The following ATOSA variants were observed in gnomAD, a reference collection of about 807,000 sequenced individuals.
The protein encoded by ATOSA is atos homolog protein A.
chr15:52,584,803 T>C, the ATOSA span: 1 of 1,613,684 alleles, frequency 6.2e-7, no homozygotes, highest in Non-Finnish European at 8.5e-7. Flanking sequence ...TTCTCTTTAT[T>C]AACACTTCTC....
the ATOSA span, among the ~76,000 whole-genome samples, chr15:52,696,351 C>T: frequency 6.6e-6 from 1 of 152,148 alleles, no homozygotes; most frequent in Non-Finnish European, 1.5e-5. Context: ...GCCCTCTACC[C>T]AACCACAACA....
chr15:52,612,771 G>GGGATTACAGGCGTGA, the ATOSA span, among the ~76,000 whole-genome samples: 1 of 151,948 alleles, frequency 6.6e-6, no homozygotes, highest in Non-Finnish European at 1.5e-5. Flanking sequence ...CCAAAATGCT[G>GGGATTACAGGCGTGA]GGATTACAGG....
At chr15:52,640,654 C>A in the ATOSA span, among the ~76,000 whole-genome samples, 1 of 117,946 alleles carries the variant, frequency 8.5e-6, no homozygotes, top group East Asian at 3.4e-4. Flanking sequence ...TTAAAATAAA[C>A]TAAATATGAT....
At chr15:52,601,000 G>A in the ATOSA span, 2 of 801,936 alleles carry the variant, frequency 2.5e-6, no homozygotes, top group East Asian at 2.7e-5. Flanking sequence ...CAATTCTGAT[G>A]TTTAGAATCA....
the ATOSA span, among the ~76,000 whole-genome samples, chr15:52,641,087 AAAAAT>A: frequency 6.6e-6 from 1 of 152,250 alleles, no homozygotes; most frequent in African/African-American, 2.4e-5. Context: ...TATCTGAAGA[AAAAAT>A]AAAACAGCTA....
the ATOSA span, among the ~76,000 whole-genome samples, chr15:52,635,647 G>A: frequency 6.6e-6 from 1 of 151,984 alleles, no homozygotes; most frequent in Non-Finnish European, 1.5e-5. Flanking sequence ...AGTGAGCTAG[G>A]ATTGTGCCTC....
chr15:52,671,891 G>C, the ATOSA span, among the ~76,000 whole-genome samples: 1 of 151,416 alleles, frequency 6.6e-6, no homozygotes, highest in Non-Finnish European at 1.5e-5. Context: ...GGTAAACAAG[G>C]GGAAGAGATG....
chr15:52,591,322 C>A, the ATOSA span, among the ~76,000 whole-genome samples: 4 of 152,164 alleles, frequency 2.6e-5, no homozygotes, highest in Admixed American at 6.5e-5. Flanking sequence ...CCTCTGCCTC[C>A]CGGGTTCAAG....
chr15:52,635,528 T>TAC, the ATOSA span, among the ~76,000 whole-genome samples: 1,558 of 151,418 alleles, frequency 0.01, 16 homozygotes, highest in African/African-American at 0.012. Flanking sequence ...TCCCTGCCTC[T>TAC]ACACACACAC....
the ATOSA span, among the ~76,000 whole-genome samples, chr15:52,674,030 C>G: frequency 1.3e-5 from 2 of 152,190 alleles, no homozygotes; most frequent in African/African-American, 4.8e-5. Flanking sequence ...TAAAGATCAA[C>G]AGCCTACAAT....
chr15:52,627,679 T>C, the ATOSA span, among the ~76,000 whole-genome samples: 2 of 152,082 alleles, frequency 1.3e-5, no homozygotes, highest in Admixed American at 6.5e-5. Context: ...GCAATGCTTA[T>C]GCATTTTTTT....
At chr15:52,585,992 C>G in the ATOSA span, 1 of 152,208 alleles carries the variant, frequency 6.6e-6, no homozygotes, top group Admixed American at 6.5e-5. Context: ...CACAGTTAAA[C>G]TGTATACAGA....
chr15:52,628,237 G>T, the ATOSA span, among the ~76,000 whole-genome samples: 1 of 152,114 alleles, frequency 6.6e-6, no homozygotes, highest in Non-Finnish European at 1.5e-5. Context: ...TTCAGTCAAT[G>T]ATTTTAGATA....
chr15:52,653,094 G>A, the ATOSA span, among the ~76,000 whole-genome samples: 1 of 152,190 alleles, frequency 6.6e-6, no homozygotes, highest in Non-Finnish European at 1.5e-5. Context: ...CATTATCAGT[G>A]GTGGCTCTAG....
At chr15:52,613,445 G>A in the ATOSA span, among the ~76,000 whole-genome samples, 1 of 152,162 alleles carries the variant, frequency 6.6e-6, no homozygotes, top group Non-Finnish European at 1.5e-5. Flanking sequence ...GTATGAAATT[G>A]GGTGCCCACT....
At chr15:52,697,140 A>G in the ATOSA span, among the ~76,000 whole-genome samples, 1 of 151,986 alleles carries the variant, frequency 6.6e-6, no homozygotes, top group African/African-American at 2.4e-5. Context: ...CTCCTATCCT[A>G]TGTTCTGACC....
At chr15:52,612,719 G>C in the ATOSA span, among the ~76,000 whole-genome samples, 1 of 151,766 alleles carries the variant, frequency 6.6e-6, no homozygotes, top group Non-Finnish European at 1.5e-5. Context: ...TGGCCAGGCT[G>C]GTCTTGAACT....
chr15:52,626,777 T>C, the ATOSA span, among the ~76,000 whole-genome samples: 1 of 152,142 alleles, frequency 6.6e-6, no homozygotes, highest in Non-Finnish European at 1.5e-5. Flanking sequence ...ACCCCTGTTA[T>C]TAGTTCAATT....
At chr15:52,667,297 TTATGGCA>T in the ATOSA span, among the ~76,000 whole-genome samples, 1 of 152,226 alleles carries the variant, frequency 6.6e-6, no homozygotes, top group Non-Finnish European at 1.5e-5. Context: ...TATCATATTC[TTATGGCA>T]TACTCCAAAA....
Sources: allele counts gnomAD v4.1 joint callset (sites outside exome capture counted in the v4.1 genomes callset), GRCh38; gene constraint gnomAD v4.1.1; transcripts MANE v1.5; gene names NCBI Gene and HGNC (gene_info 2026-07-23, HGNC 2026-07-21).